The following NFASC variants were observed in gnomAD, a reference collection of about 807,000 sequenced individuals.
The protein encoded by NFASC is neurofascin.
A neutral mutation model predicts 147.5 loss-of-function variants in NFASC; 43 were observed. The observed-to-expected ratio is 0.29, with a 90% CI of 0.23 to 0.38. NFASC has a LOEUF of 0.38. Ranked by LOEUF, NFASC falls within the 10% of genes least tolerant of loss-of-function variation. The pLI, the probability that NFASC is intolerant of heterozygous loss-of-function variation, is 1.00. For synonymous variants in NFASC, 622 were observed against 665.5 expected (o/e 0.93, Z 1.01); for missense variants, 1,320 against 1,689.0 (o/e 0.78, Z 3.83).
chr1:204,930,651 C>T (rs2092283947), intron 2 of NFASC, among the ~76,000 whole-genome samples: 1 of 152,148 alleles, frequency 6.6e-6, no homozygotes, highest in Non-Finnish European at 1.5e-5. Flanking sequence ...GAGCATGGGG[C>T]ATGCTAGGAA....
chr1:204,835,213 C>CTTTTTTTTT (rs1001302661), intron 1 of NFASC, among the ~76,000 whole-genome samples: 2 of 80,588 alleles, frequency 2.5e-5, no homozygotes, highest in African/African-American at 5.2e-5. Flanking sequence ...TGAGGTGGGT[C>CTTTTTTTTT]TTTTTTTTTT....
At position 204,981,883 on chromosome 1, in the gene NFASC, A is replaced by G; in HGVS notation, c.2333A>G (p.Asn778Ser). ...RRRETREAWNNVTVWGSRYVV... is the reference protein window; with the variant it reads ...RRRETREAWNSVTVWGSRYVV... ...AGAGAGACTCGAGAGGCCTGGAACA[A>G]CGTCACAGTGTGGGGCTCTCGCTAC... Residue 778 changes from asparagine to serine, a missense_variant, in exon 21 of 30, where the codon AAC becomes AGC. Physicochemically the swap from Asn to Ser is conservative, Grantham distance 46 (BLOSUM62 1). This residue lies in a region of NFASC where 981 missense variants were observed against 1,289.5 expected (regional missense o/e 0.76). Transcript: ENST00000339876. The G allele has an allele frequency of 6.2e-7, 1 of 1,607,816 alleles. No individual in the cohort carries two copies. Among genetic ancestry groups the G allele is most frequent in the Admixed American group, 1.7e-5 (1 of 59,016 alleles).
intron 8 of NFASC, chr1:204,967,973 C>T: frequency 2.9e-6 from 1 of 348,436 alleles, no homozygotes; most frequent in Admixed American, 4.4e-5. Flanking sequence ...CTCCCCGTTC[C>T]AGGGAAGGGG....
In NFASC at chr1:205,005,465, G is replaced by A. The variant is rs143448852; in HGVS notation, c.3289+2717G>A. 1.5e-3 allele frequency among the ~76,000 whole-genome samples: 236 copies of A among 152,290 alleles called. 1 individual carries two copies. Among genetic ancestry groups the A allele is most frequent in the African/African-American group, 5.4e-3 (226 of 41,574 alleles). On this transcript the variant is annotated intron_variant, in intron 27 of 29. Transcript: ENST00000339876. ...AGTGTAAGAGGCGTGGGGGCCGGACGAGAGGATGCTGTTCTGGCTCCCGTC... is the reference window on the plus strand; with the variant it reads ...AGTGTAAGAGGCGTGGGGGCCGGACAAGAGGATGCTGTTCTGGCTCCCGTC...
Position 205,020,834 on chromosome 1 carries a change from G to C in NFASC, c.*4295G>C, listed in dbSNP as rs373445333. 131 of 152,210 alleles carry C rather than the reference G, an allele frequency of 8.6e-4. No homozygotes were observed. The highest frequency in any genetic ancestry group is 3.1e-3 in the African/African-American group (127 of 41,514). The allele number at this position is 152,210 out of a possible 1,614,324, so 9.4% of individuals were successfully genotyped here. ...CAGGTTCCTGGGAGGCCGGCACAAGGCACCGCTCCCCACTCATGACACCTT... is the reference window on the plus strand; with the variant it reads ...CAGGTTCCTGGGAGGCCGGCACAAGCCACCGCTCCCCACTCATGACACCTT... On this transcript the variant is annotated 3_prime_UTR_variant, in exon 30 of 30. Transcript: ENST00000339876.
intron 24 of NFASC, among the ~76,000 whole-genome samples, chr1:204,996,690 T>A (rs941156428): frequency 2.0e-5 from 3 of 152,236 alleles, no homozygotes; most frequent in Middle Eastern, 3.4e-3. Context: ...TTTGGAGTGA[T>A]TGGTTGGGAA....
chr1:204,935,714 C>T (rs747499465), intron 2 of NFASC, among the ~76,000 whole-genome samples: 7 of 152,078 alleles, frequency 4.6e-5, no homozygotes, highest in African/African-American at 9.7e-5. Flanking sequence ...CTGGGCACCC[C>T]GGTCCTCAAC....
chr1:204,987,101 G>A lies in NFASC; in HGVS notation c.2471-317G>A, dbSNP rs2095630926. ...CCTAGGAATGGCTCTGCCCAATTTC[G>A]AGGTATCTTTGCAGAATCAGAGCCT... On this transcript the variant is annotated intron_variant, in intron 21 of 29. Transcript: ENST00000339876. This position sits in a 1 kb window ranked among gnomAD's most constrained non-coding sequence, Gnocchi z 4.4. 4 of 372,248 alleles carry A rather than the reference G, an allele frequency of 1.1e-5. No homozygotes were observed. Among genetic ancestry groups the A allele is most frequent in the East Asian group, 1.0e-4 (2 of 19,110 alleles). 23.1% of individuals were successfully genotyped at this position (372,248 alleles called of 1,614,324 possible). A position where few individuals can be genotyped will look rare whatever the true frequency, so the allele number is the denominator to read the frequency against.
intron 21 of NFASC, among the ~76,000 whole-genome samples, chr1:204,985,744 G>A (rs566743457): frequency 4.8e-4 from 73 of 152,338 alleles, no homozygotes; most frequent in Admixed American, 2.0e-4. Context: ...AGTGGCTAAT[G>A]AGCGGGGATT....
rs1027823966 is a variant in NFASC, at chr1:204,957,701, A to G, written c.581A>G (p.Asn194Ser). The G allele has an allele frequency of 1.2e-6, 2 of 1,614,034 alleles. No individual in the cohort carries two copies. Among genetic ancestry groups the G allele is most frequent in the African/African-American group, 2.7e-5 (2 of 74,914 alleles). Residue 194 changes from asparagine to serine, a missense_variant, in exon 8 of 30, where the codon AAC becomes AGC. Transcript: ENST00000339876. ...TQDKRVSQGH[N>S]GDLYFSNVML... Reference sequence around the variant, plus strand: ...GACAAACGTGTCTCTCAGGGCCATAACGGAGACCTATACTTCTCCAACGTG... The same window carrying G: ...GACAAACGTGTCTCTCAGGGCCATAGCGGAGACCTATACTTCTCCAACGTG...
intron 1 of NFASC, among the ~76,000 whole-genome samples, chr1:204,873,162 TTG>T (rs57637565): frequency 1.4e-5 from 1 of 71,534 alleles, no homozygotes; most frequent in African/African-American, 7.9e-4. Context: ...TCCAGGCACC[TTG>T]CATTTGAAAG....
intron 2 of NFASC, among the ~76,000 whole-genome samples, chr1:204,942,680 C>T (rs2093439492): frequency 6.6e-6 from 1 of 152,098 alleles, no homozygotes; most frequent in South Asian, 2.1e-4. Context: ...CCTGGAGAGA[C>T]CACTTAGGAA....
At position 205,020,208 on chromosome 1, in the gene NFASC, T is replaced by A. The variant is rs1385386096; in HGVS notation, c.*3669T>A. The A allele has an allele frequency of 6.6e-6, 1 of 152,264 alleles. No homozygotes were observed. The highest frequency in any genetic ancestry group is 2.4e-5 in the African/African-American group (1 of 41,440). The allele number at this position is 152,264 out of a possible 1,614,324, so 9.4% of individuals were successfully genotyped here. Reference sequence around the variant, plus strand: ...CATTGCTTGCCCTGCAAGGTGCAACTGAGCCCACATAGCGCATTCATAGTT... The same window carrying A: ...CATTGCTTGCCCTGCAAGGTGCAACAGAGCCCACATAGCGCATTCATAGTT... On this transcript the variant is annotated 3_prime_UTR_variant, in exon 30 of 30. Transcript: ENST00000339876.
In NFASC at chr1:205,015,213, G is replaced by A. The variant is rs573809300; in HGVS notation, c.3492-1095G>A. Among the ~76,000 whole-genome samples the A allele has an allele frequency of 7.2e-5, 11 of 152,230 alleles. No individual in the cohort carries two copies. Among genetic ancestry groups the A allele is most frequent in the African/African-American group, 2.2e-4 (9 of 41,552 alleles). ...GTCCAGGAAGGACTGGGGGTGGGTG[G>A]GGAGCTGGGGGCAAGGCAGTGTGTG... On this transcript the variant is annotated intron_variant, in intron 29 of 29. Transcript: ENST00000339876. The surrounding 1 kb of genome is among the most constrained non-coding windows in gnomAD (Gnocchi z 4.0).
chr1:204,914,716 C>A (rs1390679173), intron 1 of NFASC, among the ~76,000 whole-genome samples: 1 of 152,168 alleles, frequency 6.6e-6, no homozygotes, highest in Non-Finnish European at 1.5e-5. Flanking sequence ...GAATGGGAAA[C>A]AGGAACTCTC....
In NFASC at chr1:204,997,388, A is replaced by G; in HGVS notation, c.3001A>G (p.Thr1001Ala). ...GAGTCCTCCCACCACCACCTCCGGG[A>G]CTAAGATACACGAATCCGGTACTGC... The part of the protein sequence containing the change: ...TESPPTTTSG[T>A]KIHESAPDEQ... The change falls in exon 25 of 30, where the codon ACT becomes GCT. Residue 1001 changes from threonine (T) to alanine (A), a missense_variant. Thr to Ala is a moderately conservative substitution (Grantham distance 58, BLOSUM62 0). Around this residue, in one of 3 missense-constraint regions of NFASC, gnomAD observed 172 missense variants for 165.8 expected, o/e 1.04. Transcript: ENST00000339876. 6.4e-7 allele frequency: 1 copy of G among 1,552,246 alleles called. No homozygotes were observed. The highest frequency in any genetic ancestry group is 8.7e-7 in the Non-Finnish European group (1 of 1,147,262).
At chr1:204,845,501 G>T (rs761518782) in intron 1 of NFASC, among the ~76,000 whole-genome samples, 11 of 152,028 alleles carry the variant, frequency 7.2e-5, no homozygotes, top group African/African-American at 2.7e-4. Flanking sequence ...ACTGCAAATG[G>T]CTGGTTGAGA....
chr1:204,947,006 G>T, intron 3 of NFASC: 1 of 354,258 alleles, frequency 2.8e-6, no homozygotes, highest in South Asian at 2.1e-5. Flanking sequence ...TCATAAGGTT[G>T]ACTGGAAGTA....
intron 1 of NFASC, among the ~76,000 whole-genome samples, chr1:204,914,996 C>T (rs552898978): frequency 1.6e-4 from 25 of 152,218 alleles, no homozygotes; most frequent in Admixed American, 5.9e-4. Flanking sequence ...TAACAAGGCA[C>T]GCTGGGCGCG....
Sources: allele counts gnomAD v4.1 joint callset (sites outside exome capture counted in the v4.1 genomes callset), GRCh38; gene constraint gnomAD v4.1.1; regional missense constraint gnomAD v4.1.1; non-coding constraint Gnocchi (gnomAD v3.1); transcripts MANE v1.5; gene names NCBI Gene and HGNC (gene_info 2026-07-23, HGNC 2026-07-21).